EPHA5: variants seen among roughly 807,000 people sequenced by gnomAD.
The protein encoded by EPHA5 is ephrin type-A receptor 5.
A neutral mutation model predicts 105.0 loss-of-function variants in EPHA5; 60 were observed. That is an observed-to-expected ratio of 0.57 (90% CI 0.46 to 0.71). The LOEUF (loss-of-function observed/expected upper bound fraction) is 0.71. EPHA5 is among the 30% of genes least tolerant of loss of function. The pLI is 0.00. For missense variants in EPHA5, 1,218 were observed against 1,274.7 expected, an observed-to-expected ratio of 0.96 and a Z score of 0.68; for synonymous variants, 513 against 449.1, an observed-to-expected ratio of 1.14 and a Z score of -1.80.
chr4:65,464,381 G>A (rs1728414536), intron 5 of EPHA5, among the ~76,000 whole-genome samples: 1 of 152,016 alleles, frequency 6.6e-6, no homozygotes, highest in African/African-American at 2.4e-5. Context: ...ACTTGGCTCA[G>A]GAGATTGATA....
chr4:65,416,946 A>G (rs1723440080), intron 6 of EPHA5, among the ~76,000 whole-genome samples: 1 of 152,168 alleles, frequency 6.6e-6, no homozygotes, highest in South Asian at 2.1e-4. Flanking sequence ...AACACCCACA[A>G]TTGCCCTGCT....
chr4:65,595,734 C>T (rs1332432910), intron 3 of EPHA5, among the ~76,000 whole-genome samples: 3 of 152,040 alleles, frequency 2.0e-5, no homozygotes, highest in African/African-American at 7.3e-5. Flanking sequence ...GCTCCCGCCA[C>T]CACGCCGGGC....
chr4:65,350,280 G>A (rs1722692396), intron 13 of EPHA5, among the ~76,000 whole-genome samples: 1 of 151,938 alleles, frequency 6.6e-6, no homozygotes, highest in African/African-American at 2.4e-5. Context: ...TGATTAAGCT[G>A]ACCACTGGAA....
intron 3 of EPHA5, among the ~76,000 whole-genome samples, chr4:65,596,725 G>T (rs193191101): frequency 2.0e-5 from 3 of 149,956 alleles, no homozygotes; most frequent in Non-Finnish European, 4.5e-5. Flanking sequence ...ACACACACAG[G>T]CACCATTGAT....
chr4:65,349,416 C>T (rs1722608289), intron 13 of EPHA5, among the ~76,000 whole-genome samples: 1 of 152,002 alleles, frequency 6.6e-6, no homozygotes, highest in South Asian at 2.1e-4. Context: ...TTATTATTCT[C>T]TTAGCTTCAA....
chr4:65,381,852 C>T (rs766056180), intron 8 of EPHA5, among the ~76,000 whole-genome samples: 1 of 151,706 alleles, frequency 6.6e-6, no homozygotes, highest in African/African-American at 2.4e-5. Flanking sequence ...AAAGACACAG[C>T]AAGAAGGCAA....
chr4:65,584,840 ATTAT>A (rs1047289730), intron 3 of EPHA5, among the ~76,000 whole-genome samples: 10 of 151,966 alleles, frequency 6.6e-5, no homozygotes, highest in African/African-American at 1.9e-4. Flanking sequence ...TTCCTATTTA[ATTAT>A]TTATTTGTCA....
intron 3 of EPHA5, among the ~76,000 whole-genome samples, chr4:65,504,082 A>T (rs982788813): frequency 2.0e-5 from 3 of 151,528 alleles, no homozygotes; most frequent in African/African-American, 7.3e-5. Flanking sequence ...AGTATTAGAA[A>T]TTGATTAGGA....
At chr4:65,484,135 C>A (rs1263993299) in intron 5 of EPHA5, among the ~76,000 whole-genome samples, 1 of 152,082 alleles carries the variant, frequency 6.6e-6, no homozygotes, top group Non-Finnish European at 1.5e-5. Flanking sequence ...TAAAAGGTGA[C>A]CTTTTTTTTC....
intron 2 of EPHA5, among the ~76,000 whole-genome samples, chr4:65,611,340 T>A (rs1744738739): frequency 6.6e-6 from 1 of 152,150 alleles, no homozygotes. Context: ...TGCACTGTCC[T>A]GTTATAGATA....
chr4:65,492,972 ACTT>A (rs1173000033), intron 4 of EPHA5, among the ~76,000 whole-genome samples: 3 of 122,494 alleles, frequency 2.4e-5, no homozygotes, highest in Non-Finnish European at 3.4e-5. Flanking sequence ...ACAATGTCAA[ACTT>A]CTGTTTTGTT....
At position 65,502,417 on chromosome 4, in the gene EPHA5, T is replaced by A. The variant is rs1230231887; in HGVS notation, c.911-6874A>T. Among the ~76,000 whole-genome samples, 10 of 141,472 alleles carry A rather than the reference T, an allele frequency of 7.1e-5. No homozygotes were observed. In the South Asian group the frequency reaches 1.6e-3, roughly 22 times the overall value. 92.8% of individuals were successfully genotyped at this position (141,472 alleles called of 152,430 possible). ...AACAATTAAACAAGCAAAAAAAAAA[T>A]ATATAGCCCCATTAAAAAGCAGGCA... On this transcript the variant is annotated intron_variant, in intron 3 of 16. Coordinates refer to ENST00000613740, the MANE Select transcript of EPHA5 (RefSeq NM_001281766.3).
intron 7 of EPHA5, among the ~76,000 whole-genome samples, chr4:65,407,092 A>G (rs1425251037): frequency 2.0e-5 from 3 of 152,070 alleles, no homozygotes; most frequent in African/African-American, 7.2e-5. Context: ...TCAGCCTTCT[A>G]TGTACTCAAA....
intron 5 of EPHA5, among the ~76,000 whole-genome samples, chr4:65,424,482 T>C (rs1387341838): frequency 6.6e-6 from 1 of 152,104 alleles, no homozygotes; most frequent in Non-Finnish European, 1.5e-5. Context: ...AATTCATTTT[T>C]TGAAGGTTGA....
intron 3 of EPHA5, among the ~76,000 whole-genome samples, chr4:65,531,859 A>C (rs761771233): frequency 2.6e-4 from 39 of 152,178 alleles, no homozygotes; most frequent in Non-Finnish European, 5.4e-4. Context: ...AATTTCACCT[A>C]CCTAGGTCTT....
chr4:65,448,999 A>G (rs1273877723), intron 5 of EPHA5, among the ~76,000 whole-genome samples: 1 of 152,168 alleles, frequency 6.6e-6, no homozygotes, highest in African/African-American at 2.4e-5. Context: ...TTGACAAGGT[A>G]CAAATCACAC....
intron 5 of EPHA5, among the ~76,000 whole-genome samples, chr4:65,488,180 T>C (rs2149206404): frequency 6.6e-6 from 1 of 152,290 alleles, no homozygotes; most frequent in Non-Finnish European, 1.5e-5. Flanking sequence ...TTTCAAATAA[T>C]ATACTTGGGA....
chr4:65,361,591 G>A (rs900004003), intron 11 of EPHA5, among the ~76,000 whole-genome samples: 11 of 151,464 alleles, frequency 7.3e-5, no homozygotes, highest in Non-Finnish European at 1.3e-4. Context: ...CCTGTATAAA[G>A]AAAATGATCT....
chr4:65,533,049 C>A (rs1181082199), intron 3 of EPHA5, among the ~76,000 whole-genome samples: 1 of 151,992 alleles, frequency 6.6e-6, no homozygotes, highest in African/African-American at 2.4e-5. Context: ...GTCAAACTTT[C>A]CATTAATATT....
Sources: allele counts gnomAD v4.1 joint callset (sites outside exome capture counted in the v4.1 genomes callset), GRCh38; gene constraint gnomAD v4.1.1; transcripts MANE v1.5; gene names NCBI Gene and HGNC (gene_info 2026-07-23, HGNC 2026-07-21).